Variants in COL28A1 observed in about 807,000 individuals in gnomAD.
COL28A1 encodes the protein collagen alpha-1(XXVIII) chain.
COL28A1 carries 161 observed loss-of-function variants against 150.2 expected under a neutral mutation model. That is an observed-to-expected ratio of 1.07 (90% confidence interval 0.94 to 1.22). The LOEUF (loss-of-function observed/expected upper bound fraction) is 1.22, where lower values mean the gene tolerates loss of function less well. COL28A1 is among the 50% of genes most tolerant of loss of function. The pLI, the probability that COL28A1 is intolerant of heterozygous loss-of-function variation, is 0.00. For synonymous variants in COL28A1, 552 were observed against 469.7 expected, an observed-to-expected ratio of 1.18 and a Z score of -2.26; for missense variants, 1,617 against 1,388.3, an observed-to-expected ratio of 1.16 and a Z score of -2.62.
Position 7,432,578 on chromosome 7 carries a change from TGTA to T in COL28A1, c.1930-40_1930-38del, listed in dbSNP as rs771879252. Reference sequence around the variant, plus strand: ...CAGTAAGGGAGGGAGTGAGCATCCTTGTAGTATGCAACACTCAAAAAGGAGGGA... The same window carrying T: ...CAGTAAGGGAGGGAGTGAGCATCCTTGTATGCAACACTCAAAAAGGAGGGA... On this transcript the variant is annotated intron_variant, in intron 24 of 34. Coordinates refer to ENST00000399429, the MANE Select transcript of COL28A1 (RefSeq NM_001037763.3). 35 of 1,608,980 alleles carry T rather than the reference TGTA, an allele frequency of 2.2e-5. 1 individual carries two copies. The South Asian group carries it at 3.6e-4, about 17-fold the overall frequency.
At chr7:7,424,625 C>G (rs1363148772) in intron 25 of COL28A1, among the ~76,000 whole-genome samples, 1 of 152,022 alleles carries the variant, frequency 6.6e-6, no homozygotes, top group Non-Finnish European at 1.5e-5. Flanking sequence ...AACAGACGTG[C>G]GAGCAAATTC....
intron 2 of COL28A1, among the ~76,000 whole-genome samples, chr7:7,532,326 G>A (rs539515408): frequency 6.6e-6 from 1 of 151,910 alleles, no homozygotes; most frequent in South Asian, 2.1e-4. Flanking sequence ...GAAATCAAGG[G>A]AGAAAATGAC....
In COL28A1 at chr7:7,374,033, A is replaced by AT. The variant is rs1234432281; in HGVS notation, c.2360-488_2360-487insA. Among the ~76,000 whole-genome samples, 253 of 81,186 alleles carry AT rather than the reference A, an allele frequency of 3.1e-3. 1 individual carries two copies. In the East Asian group the frequency reaches 0.042, roughly 14 times the overall value. The allele number at this position is 81,186 out of a possible 152,430, so 53.3% of individuals were successfully genotyped here. A position where few individuals can be genotyped will look rare whatever the true frequency, so the allele number is the denominator to read the frequency against. On this transcript the variant is annotated intron_variant, in intron 31 of 34. Transcript: ENST00000399429. ...TTCTATACTTGACTCTTAAAAAAAAAAAAAAATATATATATATATATATAT... is the reference window on the plus strand; with the variant it reads ...TTCTATACTTGACTCTTAAAAAAAAATAAAAAATATATATATATATATATAT...
chr7:7,417,657 A>G (rs1428778909), intron 27 of COL28A1: 4 of 583,702 alleles, frequency 6.9e-6, no homozygotes, highest in Non-Finnish European at 1.2e-5. Flanking sequence ...AGCAATTTAT[A>G]TAATGTTTAG....
intron 27 of COL28A1, among the ~76,000 whole-genome samples, chr7:7,395,288 C>T (rs889814438): frequency 7.3e-5 from 11 of 151,556 alleles, no homozygotes; most frequent in Admixed American, 4.6e-4. Flanking sequence ...AGTGAGGCTC[C>T]GTCTTAAAAA....
At chr7:7,433,356 C>T (rs1395160301) in intron 23 of COL28A1, among the ~76,000 whole-genome samples, 3 of 152,208 alleles carry the variant, frequency 2.0e-5, no homozygotes, top group South Asian at 2.1e-4. Context: ...CTACAAGTGG[C>T]CGGGTGCGGT....
chr7:7,477,057 A>G (rs932148109), intron 14 of COL28A1, 55 bp downstream of exon 14: 2 of 845,294 alleles, frequency 2.4e-6, no homozygotes, highest in Non-Finnish European at 4.1e-6. Context: ...TAAAATTTGT[A>G]ATTCACGAGC....
intron 15 of COL28A1, among the ~76,000 whole-genome samples, chr7:7,458,124 A>G (rs1787317681): frequency 6.6e-6 from 1 of 152,206 alleles, no homozygotes; most frequent in South Asian, 2.1e-4. Context: ...TATGAAGAAA[A>G]ATGTATCATT....
At chr7:7,505,785 T>C (rs900120597) in intron 11 of COL28A1, among the ~76,000 whole-genome samples, 10 of 152,214 alleles carry the variant, frequency 6.6e-5, no homozygotes, top group African/African-American at 2.4e-4. Flanking sequence ...TAATGGCTTA[T>C]AGTTAACAAT....
At chr7:7,408,310 T>A (rs1783600952) in intron 27 of COL28A1, among the ~76,000 whole-genome samples, 1 of 152,152 alleles carries the variant, frequency 6.6e-6, no homozygotes, top group African/African-American at 2.4e-5. Flanking sequence ...CTTCATTATC[T>A]TTCCTTTGTT....
intron 12 of COL28A1, 124 bp from the exon 13 acceptor site, chr7:7,489,581 A>C: frequency 1.5e-6 from 1 of 663,682 alleles, no homozygotes. Flanking sequence ...GGTTTTCATA[A>C]AGGTAAAAAA....
intron 7 of COL28A1, among the ~76,000 whole-genome samples, chr7:7,516,897 C>CT (rs1390365929): frequency 6.6e-6 from 1 of 151,934 alleles, no homozygotes; most frequent in African/African-American, 2.4e-5. Flanking sequence ...CCTGGCCTGA[C>CT]TTTTTTTACA....
intron 25 of COL28A1, among the ~76,000 whole-genome samples, chr7:7,422,194 A>G (rs1784414777): frequency 6.6e-6 from 1 of 152,188 alleles, no homozygotes; most frequent in Non-Finnish European, 1.5e-5. Context: ...AGTTAAGTAA[A>G]TCTTACCCAA....
chr7:7,479,053 C>T (rs11982694), intron 13 of COL28A1, among the ~76,000 whole-genome samples: 2,472 of 152,300 alleles, frequency 0.016, 61 homozygotes, highest in African/African-American at 0.056. Context: ...GCTGAGGAGG[C>T]GCCAAGAGCA....
At chr7:7,369,307 T>G (rs771621097) in intron 33 of COL28A1, among the ~76,000 whole-genome samples, 1 of 152,230 alleles carries the variant, frequency 6.6e-6, no homozygotes, top group Non-Finnish European at 1.5e-5. Flanking sequence ...GGCAAACCAC[T>G]GTGGGCCAAA....
intron 11 of COL28A1, among the ~76,000 whole-genome samples, chr7:7,497,415 A>C (rs1780280526): frequency 6.6e-6 from 1 of 152,212 alleles, no homozygotes; most frequent in South Asian, 2.1e-4. Context: ...TACTGTTATT[A>C]ACTTACTGCA....
chr7:7,459,928 A>C (rs1447643881), intron 15 of COL28A1, among the ~76,000 whole-genome samples: 38 of 152,192 alleles, frequency 2.5e-4, no homozygotes, highest in Admixed American at 2.4e-3. Flanking sequence ...AAACCCTCAA[A>C]TTATCAAACA....
chr7:7,489,392 C>T lies in COL28A1; in HGVS notation c.1161G>A (p.Gln387=), dbSNP rs761444219. The part of the protein sequence containing the change: ...PGPIGVGEPG[Q]PGPRGPEGVP... ...ATCTAGAATTTTTGCTACTTACTGG[C>T]TGTCCAGGCTCACCAACTCCAATGG... The change falls in exon 13 of 35, where the codon CAG becomes CAA. Residue 387 remains glutamine (Q), a synonymous_variant. Transcript: ENST00000399429. The T allele has an allele frequency of 2.0e-5, 27 of 1,317,838 alleles. No individual in the cohort carries two copies. The highest frequency in any genetic ancestry group is 1.8e-4 in the Middle Eastern group (1 of 5,526). The allele number at this position is 1,317,838 out of a possible 1,614,324, so 81.6% of individuals were successfully genotyped here.
chr7:7,533,024 T>C, intron 1 of COL28A1, 112 bp from the exon 2 acceptor site: 1 of 1,139,086 alleles, frequency 8.8e-7, no homozygotes, highest in Non-Finnish European at 1.1e-6. Flanking sequence ...AAAGAGGTTT[T>C]CATTCATATT....
Sources: gnomAD v4.1 joint callset for allele counts (sites outside exome capture counted in the v4.1 genomes callset) on GRCh38, gnomAD v4.1.1 for gene constraint, MANE v1.5 for transcripts, NCBI Gene and HGNC (gene_info 2026-07-23, HGNC 2026-07-21) for gene names.